Variants in GPR89B observed in about 807,000 individuals in gnomAD.
The protein encoded by GPR89B is G protein-coupled receptor 89B.
GPR89B carries 25 observed loss-of-function variants against 52.4 expected under a neutral mutation model. The observed-to-expected ratio is 0.48, with a 90% CI of 0.35 to 0.67. GPR89B has a LOEUF of 0.67. Among genes scored for constraint, GPR89B ranks in the 30% least tolerant of loss-of-function variants. The pLI, the probability that GPR89B is intolerant of heterozygous loss-of-function variation, is 0.01. For synonymous variants in GPR89B, 52 were observed against 151.2 expected (o/e 0.34, Z 4.81); for missense variants, 146 against 450.2 (o/e 0.32, Z 6.11).
the GPR89B span, among the ~76,000 whole-genome samples, chr1:148,018,565 T>G: frequency 6.6e-6 from 1 of 151,528 alleles, no homozygotes; most frequent in African/African-American, 2.4e-5. Flanking sequence ...CTGCTAATTA[T>G]AATGGATCTA....
intron 3 of GPR89B, among the ~76,000 whole-genome samples, chr1:147,941,244 G>C (rs1482503276): frequency 6.6e-6 from 1 of 152,184 alleles, no homozygotes. Context: ...CAAAAGACTA[G>C]TTAAAACATG....
chr1:147,998,055 G>A (rs1659357799), downstream of GPR89B, among the ~76,000 whole-genome samples: 1 of 151,988 alleles, frequency 6.6e-6, no homozygotes, highest in Non-Finnish European at 1.5e-5. Flanking sequence ...GCATAGAACA[G>A]GAAACAGGAT....
chr1:148,011,425 C>T, the GPR89B span: 3 of 152,140 alleles, frequency 2.0e-5, no homozygotes, highest in Non-Finnish European at 4.4e-5. Context: ...CCGGGCACAC[C>T]CCTGAGTAAT....
At chr1:147,976,934 C>A (rs1220314420) in intron 10 of GPR89B, among the ~76,000 whole-genome samples, 1 of 151,652 alleles carries the variant, frequency 6.6e-6, no homozygotes, top group Non-Finnish European at 1.5e-5. Context: ...GTTGGAAATT[C>A]TTTTCTTTAA....
In GPR89B at chr1:147,936,627, A is replaced by G. The variant is rs1485592330; in HGVS notation, c.43A>G (p.Ile15Val). The G allele has an allele frequency of 1.2e-6, 2 of 1,610,816 alleles. No homozygotes were observed. The highest frequency in any genetic ancestry group is 1.7e-6 in the Non-Finnish European group (2 of 1,177,364). ...ACATTCTATCTTCTTTCTCCTCCAG[A>G]TACTATTTTTTGGATTTGGGTGGCT... ...IDSSIMITSQ[I>V]LFFGFGWLFF... is the part of the protein sequence containing the mutation. Residue 15 changes from isoleucine to valine, a missense_variant and splice_region_variant, in exon 2 of 14, where the codon ATA (isoleucine) becomes GTA (valine). Physicochemically the swap from Ile to Val is conservative, Grantham distance 29. Transcript: ENST00000314163.
chr1:148,011,261 G>T, the GPR89B span: 1 of 152,134 alleles, frequency 6.6e-6, no homozygotes, highest in Non-Finnish European at 1.5e-5. Context: ...AGCTAAACCT[G>T]CCACCTCTGG....
the GPR89B span, chr1:148,011,817 T>G: frequency 6.6e-6 from 1 of 152,210 alleles, no homozygotes; most frequent in African/African-American, 2.4e-5. Flanking sequence ...ATATTTTTAA[T>G]GAGAGAAAAC....
intron 11 of GPR89B, among the ~76,000 whole-genome samples, chr1:147,986,529 A>C (rs1303279034): frequency 6.6e-6 from 1 of 152,144 alleles, no homozygotes; most frequent in Non-Finnish European, 1.5e-5. Context: ...GTAATGACTG[A>C]TACTTAATAT....
chr1:147,936,313 C>T (rs372642318), intron 1 of GPR89B, among the ~76,000 whole-genome samples: 6,739 of 152,246 alleles, frequency 0.044, 185 homozygotes, highest in African/African-American at 0.074. Context: ...TGCCTGGCCA[C>T]TGACTCCTTT....
At chr1:147,931,899 C>T (rs587647032) in intron 1 of GPR89B, among the ~76,000 whole-genome samples, 1 of 152,224 alleles carries the variant, frequency 6.6e-6, no homozygotes, top group South Asian at 2.1e-4. Flanking sequence ...ATCTGTGTTG[C>T]TGCAAAGGAC....
chr1:147,985,522 G>A (rs1369640253), intron 10 of GPR89B, among the ~76,000 whole-genome samples: 3 of 151,906 alleles, frequency 2.0e-5, no homozygotes, highest in Non-Finnish European at 2.9e-5. Flanking sequence ...TTATTGGAAC[G>A]CAGCCAAGTC....
At chr1:148,000,538 G>A in the GPR89B span, among the ~76,000 whole-genome samples, 1 of 151,674 alleles carries the variant, frequency 6.6e-6, no homozygotes, top group Non-Finnish European at 1.5e-5. Context: ...CGTGACTTTA[G>A]CAAAGTGCTT....
the GPR89B span, among the ~76,000 whole-genome samples, chr1:148,002,036 T>A: frequency 7.1e-6 from 1 of 140,718 alleles, no homozygotes; most frequent in African/African-American, 2.8e-5. Flanking sequence ...CACCAGATGC[T>A]GCTTTTTTTT....
chr1:147,930,611 C>A (rs1368889297), intron 1 of GPR89B, among the ~76,000 whole-genome samples: 1 of 151,952 alleles, frequency 6.6e-6, no homozygotes, highest in East Asian at 1.9e-4. Context: ...TTGCCCCCTG[C>A]GCCCCTCCCT....
At chr1:147,950,380 G>A (rs1356693962) in intron 5 of GPR89B, among the ~76,000 whole-genome samples, 22 of 150,918 alleles carry the variant, frequency 1.5e-4, no homozygotes, top group African/African-American at 5.4e-4. Context: ...TGGGATGGCG[G>A]CCGGGAAGAG....
At chr1:147,992,452 C>A in intron 12 of GPR89B, 50 bp from the exon 13 acceptor site, 1 of 1,598,236 alleles carries the variant, frequency 6.3e-7, no homozygotes, top group Non-Finnish European at 8.6e-7. Context: ...CTGTTCGTGA[C>A]ACAGGAATCT....
At chr1:147,997,683 A>G (rs1659348939), downstream of GPR89B, among the ~76,000 whole-genome samples, 1 of 151,912 alleles carries the variant, frequency 6.6e-6, no homozygotes, top group Non-Finnish European at 1.5e-5. Flanking sequence ...TCATACCTGT[A>G]TCTATATCCT....
intron 7 of GPR89B, among the ~76,000 whole-genome samples, chr1:147,963,397 T>C (rs1571280882): frequency 6.8e-6 from 1 of 146,322 alleles, no homozygotes; most frequent in Non-Finnish European, 1.5e-5. Flanking sequence ...AAAAAAATAC[T>C]GTTAAGAGGA....
At chr1:148,022,024 C>G in the GPR89B span, 1 of 149,168 alleles carries the variant, frequency 6.7e-6, no homozygotes, top group Non-Finnish European at 1.5e-5. Flanking sequence ...GGCCCAGAGC[C>G]ATGGAGAGAG....
Sources: gnomAD v4.1 joint callset for allele counts (sites outside exome capture counted in the v4.1 genomes callset) on GRCh38, gnomAD v4.1.1 for gene constraint, MANE v1.5 for transcripts, NCBI Gene and HGNC (gene_info 2026-07-23, HGNC 2026-07-21) for gene names.